The following CHL1 variants were observed in gnomAD, a reference collection of about 807,000 sequenced individuals.
CHL1 encodes the protein cell adhesion molecule L1 like.
In CHL1, 96 loss-of-function variants were observed where a neutral mutation model predicts 141.9. The ratio of observed to expected loss-of-function variants is 0.68; its 90% CI spans 0.57 to 0.80. The LOEUF (loss-of-function observed/expected upper bound fraction) is 0.80. CHL1 is among the 30% of genes least tolerant of loss of function. CHL1 has a pLI of 0.00. For synonymous variants in CHL1, 613 were observed against 502.2 expected (o/e 1.22, Z -2.95); for missense variants, 1,820 against 1,457.2 (o/e 1.25, Z -4.05).
chr3:220,407 T>G (rs1574744373), intron 1 of CHL1, among the ~76,000 whole-genome samples: 1 of 152,284 alleles, frequency 6.6e-6, no homozygotes, highest in East Asian at 1.9e-4. Flanking sequence ...AATTCGAGGC[T>G]GTAGCATGGG....
chr3:218,680 A>G (rs913927421), intron 1 of CHL1, among the ~76,000 whole-genome samples: 2 of 152,244 alleles, frequency 1.3e-5, no homozygotes, highest in Admixed American at 6.5e-5. Context: ...GTGAAATGAT[A>G]TGATTTATTG....
At chr3:243,620 T>G (rs1299394849) in intron 1 of CHL1, among the ~76,000 whole-genome samples, 2 of 152,138 alleles carry the variant, frequency 1.3e-5, no homozygotes, top group Non-Finnish European at 2.9e-5. Flanking sequence ...TCCGGAGGCA[T>G]TGCAATCTGT....
At chr3:256,491 C>T (rs2125167219) in intron 2 of CHL1, among the ~76,000 whole-genome samples, 1 of 152,240 alleles carries the variant, frequency 6.6e-6, no homozygotes, top group South Asian at 2.1e-4. Flanking sequence ...GTGATTTCGC[C>T]CTTCAGGAGC....
At chr3:394,504 G>C (rs1215846513) in intron 23 of CHL1, among the ~76,000 whole-genome samples, 189 bp from the exon 24 acceptor site, 1 of 152,102 alleles carries the variant, frequency 6.6e-6, no homozygotes, top group Non-Finnish European at 1.5e-5. Context: ...ATTCTTGCGA[G>C]ACCTCAGTTT....
At chr3:223,628 C>A (rs1701061780) in intron 1 of CHL1, among the ~76,000 whole-genome samples, 1 of 152,146 alleles carries the variant, frequency 6.6e-6, no homozygotes, top group African/African-American at 2.4e-5. Flanking sequence ...GTTCTTCTTG[C>A]CCACTGCATG....
intron 2 of CHL1, among the ~76,000 whole-genome samples, chr3:245,563 T>C (rs1693086318): frequency 6.6e-6 from 1 of 152,150 alleles, no homozygotes; most frequent in Non-Finnish European, 1.5e-5. Flanking sequence ...GATGAAAGAA[T>C]GGTTTTCTTA....
At position 382,139 on chromosome 3, in the gene CHL1, A is replaced by G. The variant is rs757536425; in HGVS notation, c.1877-40A>G. On this transcript the variant is annotated intron_variant, in intron 16 of 27. Coordinates refer to ENST00000256509, the MANE Select transcript of CHL1 (RefSeq NM_006614.4). ...GTCTGAGGAAGGGAATCAGGTAAAC[A>G]AAGGCAATTATCTACATTTTCCCTT... is the stretch of plus-strand genomic sequence containing the variant. 2.1e-5 allele frequency: 32 copies of G among 1,553,526 alleles called. No individual in the cohort carries two copies. In the Middle Eastern group the frequency reaches 8.4e-4, roughly 41 times the overall value.
chr3:408,177 A>G lies in CHL1; in HGVS notation c.*2466A>G, dbSNP rs1398721240. On this transcript the variant is annotated 3_prime_UTR_variant, in exon 28 of 28. Transcript: ENST00000256509. ...GTCCACGGCGTGCAATGGTAATTAT[A>G]AATTGGTGATGCTTGTTTGCAAATT... The G allele has an allele frequency of 6.6e-6, 1 of 152,152 alleles. No homozygotes were observed. Among genetic ancestry groups the G allele is most frequent in the African/African-American group, 2.4e-5 (1 of 41,438 alleles). The allele number at this position is 152,152 out of a possible 1,614,324, so 9.4% of individuals were successfully genotyped here.
At chr3:389,734 T>G (rs1708069398) in intron 20 of CHL1, among the ~76,000 whole-genome samples, 1 of 152,192 alleles carries the variant, frequency 6.6e-6, no homozygotes, top group Non-Finnish European at 1.5e-5. Flanking sequence ...CATTGAAAAT[T>G]GAAGACCTGG....
chr3:304,744 G>T (rs1699078708), intron 2 of CHL1, among the ~76,000 whole-genome samples: 1 of 152,192 alleles, frequency 6.6e-6, no homozygotes, highest in Admixed American at 6.5e-5. Context: ...ATCTCCTTCA[G>T]TTCTGCTCTG....
At chr3:380,074 G>C (rs1016756839) in intron 16 of CHL1, among the ~76,000 whole-genome samples, 1 of 152,188 alleles carries the variant, frequency 6.6e-6, no homozygotes, top group Non-Finnish European at 1.5e-5. Context: ...AGAAGAGCCA[G>C]ATTTTAATAT....
chr3:280,199 G>A (rs1169038542), intron 2 of CHL1, among the ~76,000 whole-genome samples: 2 of 151,384 alleles, frequency 1.3e-5, no homozygotes, highest in Non-Finnish European at 2.9e-5. Context: ...AAAGTTCTTA[G>A]TAGAGTCTAG....
chr3:343,785 A>G (rs1702541190), intron 8 of CHL1, among the ~76,000 whole-genome samples: 1 of 152,194 alleles, frequency 6.6e-6, no homozygotes, highest in African/African-American at 2.4e-5. Flanking sequence ...TTCATCCCCA[A>G]CATCATTTCC....
At chr3:348,005 A>G (rs1229212815) in intron 9 of CHL1, among the ~76,000 whole-genome samples, 1 of 152,220 alleles carries the variant, frequency 6.6e-6, no homozygotes, top group East Asian at 1.9e-4. Flanking sequence ...TTTAACCACA[A>G]ACTATCAATA....
At chr3:389,680 T>C (rs4685670) in intron 20 of CHL1, among the ~76,000 whole-genome samples, 126,220 of 152,202 alleles carry the variant, frequency 0.83, 55,806 homozygotes, top group East Asian at 1. Flanking sequence ...AGGAAGTATG[T>C]TGAAAGTTTT....
intron 27 of CHL1, among the ~76,000 whole-genome samples, chr3:403,664 C>T (rs535425547): frequency 2.7e-4 from 41 of 152,240 alleles, no homozygotes; most frequent in Non-Finnish European, 4.0e-4. Flanking sequence ...AACCCATTTC[C>T]CCACACCCTG....
At chr3:260,423 T>A (rs1300711503) in intron 2 of CHL1, among the ~76,000 whole-genome samples, 2 of 152,210 alleles carry the variant, frequency 1.3e-5, no homozygotes, top group Non-Finnish European at 2.9e-5. Context: ...GAGATCACTA[T>A]CTATTAAGAC....
At chr3:277,451 G>C (rs1488057142) in intron 2 of CHL1, among the ~76,000 whole-genome samples, 2 of 152,060 alleles carry the variant, frequency 1.3e-5, no homozygotes, top group Admixed American at 6.6e-5. Context: ...TTTGACAACT[G>C]GCAGAAGAAC....
intron 2 of CHL1, among the ~76,000 whole-genome samples, chr3:317,985 A>C (rs116330921): frequency 1.3e-5 from 2 of 151,952 alleles, no homozygotes; most frequent in Admixed American, 6.6e-5. Flanking sequence ...TGAAGCATAC[A>C]TGAGTCATTT....
Sources: gnomAD v4.1 joint callset for allele counts (sites outside exome capture counted in the v4.1 genomes callset) on GRCh38, gnomAD v4.1.1 for gene constraint, MANE v1.5 for transcripts, NCBI Gene and HGNC (gene_info 2026-07-23, HGNC 2026-07-21) for gene names.